The following HLF variants were observed in gnomAD, a reference collection of about 807,000 sequenced individuals.
HLF encodes HLF transcription factor, PAR bZIP family member, also known as hepatic leukemia factor.
A neutral mutation model predicts 22.6 loss-of-function variants in HLF; 3 were observed. That is an observed-to-expected ratio of 0.13 (90% confidence interval 0.06 to 0.34). The LOEUF (loss-of-function observed/expected upper bound fraction) is 0.34, where lower values mean the gene tolerates loss of function less well. Ranked by LOEUF, HLF falls within the 10% of genes least tolerant of loss-of-function variation. The probability of loss-of-function intolerance (pLI) is 1.00; values close to 1 mark genes in which losing one functional copy is unlikely to be tolerated. For synonymous variants in HLF, 151 were observed against 151.8 expected (o/e 0.99, Z 0.04); for missense variants, 299 against 389.2 (o/e 0.77, Z 1.95).
chr17:55,304,359 C>T (rs185969588), intron 2 of HLF, among the ~76,000 whole-genome samples: 14 of 152,246 alleles, frequency 9.2e-5, no homozygotes, highest in Admixed American at 1.3e-4. Flanking sequence ...GGGGCAATGG[C>T]GAGAAGGCTC....
chr17:55,322,168 TC>T lies in HLF; in HGVS notation c.*1290del, dbSNP rs1402556483. On this transcript the variant is annotated 3_prime_UTR_variant, in exon 4 of 4. Transcript: ENST00000226067. ...CGTATGTGCTCTTATAAAGTGGACT[TC>T]TGAAAAATGAATGTAAAAGACACTG... 1 of 202,234 alleles carries T rather than the reference TC, an allele frequency of 4.9e-6. No homozygotes were observed. Among genetic ancestry groups the T allele is most frequent in the Non-Finnish European group, 1.0e-5 (1 of 98,162 alleles). 12.5% of individuals were successfully genotyped at this position (202,234 alleles called of 1,614,324 possible).
intron 2 of HLF, among the ~76,000 whole-genome samples, chr17:55,306,316 A>G (rs920800665): frequency 3.3e-5 from 5 of 152,232 alleles, no homozygotes; most frequent in Admixed American, 1.3e-4. Flanking sequence ...GTAAATGGCA[A>G]CAGACTCTTT....
intron 2 of HLF, among the ~76,000 whole-genome samples, chr17:55,290,784 C>A (rs568665707): frequency 6.6e-6 from 1 of 152,216 alleles, no homozygotes; most frequent in Admixed American, 6.5e-5. Context: ...CAAGACAGGC[C>A]AAAAGCTAGG....
At chr17:55,311,753 T>A (rs1567824961) in intron 2 of HLF, among the ~76,000 whole-genome samples, 2 of 152,154 alleles carry the variant, frequency 1.3e-5, no homozygotes. Context: ...AGATTTGGCC[T>A]TTGATTGAAC....
At chr17:55,300,191 C>T (rs923995081) in intron 2 of HLF, among the ~76,000 whole-genome samples, 9 of 152,254 alleles carry the variant, frequency 5.9e-5, no homozygotes, top group East Asian at 1.9e-4. Flanking sequence ...GCACAGTGAC[C>T]GCTCTTGAGG....
chr17:55,297,901 C>G (rs1567820188), intron 2 of HLF, among the ~76,000 whole-genome samples: 2 of 151,922 alleles, frequency 1.3e-5, no homozygotes, highest in African/African-American at 2.4e-5. Flanking sequence ...AGGTGCCCAC[C>G]ACCATGCCCA....
intron 2 of HLF, among the ~76,000 whole-genome samples, chr17:55,291,833 T>C (rs1472853867): frequency 6.6e-6 from 1 of 152,226 alleles, no homozygotes; most frequent in African/African-American, 2.4e-5. Flanking sequence ...GGAAGGGACA[T>C]TAATTAACTC....
At chr17:55,267,684 A>ATTT (rs2080806535) in intron 1 of HLF, 67 bp from the exon 2 acceptor site, 1 of 1,141,240 alleles carries the variant, frequency 8.8e-7, no homozygotes, top group East Asian at 2.4e-5. Context: ...AGGAAAAGTG[A>ATTT]TAAAAGAGCG....
intron 2 of HLF, among the ~76,000 whole-genome samples, chr17:55,278,059 C>T (rs1049287542): frequency 6.6e-6 from 1 of 152,172 alleles, no homozygotes; most frequent in Non-Finnish European, 1.5e-5. Flanking sequence ...GTAAAAGTTT[C>T]GTTTTTAGAA....
chr17:55,313,950 G>A (rs551264499), intron 2 of HLF, among the ~76,000 whole-genome samples: 6 of 152,280 alleles, frequency 3.9e-5, no homozygotes, highest in East Asian at 3.9e-4. Context: ...GCTAGAATCC[G>A]AGCCAGTGGC....
At chr17:55,277,957 T>C (rs573983386) in intron 2 of HLF, among the ~76,000 whole-genome samples, 3 of 151,764 alleles carry the variant, frequency 2.0e-5, no homozygotes, top group East Asian at 3.9e-4. Flanking sequence ...TTTCTGACTT[T>C]TACAAACTAA....
At chr17:55,302,992 A>G (rs577461282) in intron 2 of HLF, among the ~76,000 whole-genome samples, 1 of 152,348 alleles carries the variant, frequency 6.6e-6, no homozygotes, top group Non-Finnish European at 1.5e-5. Context: ...GGAGGGCAGA[A>G]TGAGGCTATA....
chr17:55,305,743 GC>G (rs1348617977), intron 2 of HLF, among the ~76,000 whole-genome samples: 2 of 152,210 alleles, frequency 1.3e-5, no homozygotes, highest in Non-Finnish European at 2.9e-5. Flanking sequence ...CAAGGCTCCA[GC>G]CCAGGTCCTG....
At chr17:55,276,921 C>T (rs1034359630) in intron 2 of HLF, among the ~76,000 whole-genome samples, 1 of 152,178 alleles carries the variant, frequency 6.6e-6, no homozygotes, top group East Asian at 1.9e-4. Flanking sequence ...AAAATAAATA[C>T]TCTCCCTTGA....
chr17:55,286,965 C>T (rs1457495092), intron 2 of HLF, among the ~76,000 whole-genome samples: 1 of 152,154 alleles, frequency 6.6e-6, no homozygotes. Context: ...GCTTACTCTG[C>T]AGAAGGGAGG....
chr17:55,271,397 G>A (rs1451322849), intron 2 of HLF: 2 of 152,214 alleles, frequency 1.3e-5, no homozygotes, highest in Non-Finnish European at 2.9e-5. Context: ...CCGTTGTGGT[G>A]TTAGTGCTTC....
At chr17:55,286,923 C>T (rs2081009229) in intron 2 of HLF, among the ~76,000 whole-genome samples, 1 of 152,176 alleles carries the variant, frequency 6.6e-6, no homozygotes, top group Admixed American at 6.5e-5. Context: ...GACTGGGATA[C>T]AGCCTCCTGC....
At position 55,324,152 on chromosome 17, in the gene HLF, C is replaced by T. The variant is rs1050487577; in HGVS notation, c.*3273C>T. ...GTGATAGGCCTTTTGTCTTCAAATA[C>T]AACAGGCCTCCACTGACCCATCCCT... On this transcript the variant is annotated 3_prime_UTR_variant, in exon 4 of 4. Coordinates refer to ENST00000226067, the MANE Select transcript of HLF (RefSeq NM_002126.5). 5 of 225,238 alleles carry T rather than the reference C, an allele frequency of 2.2e-5. No homozygotes were observed. The East Asian group carries it at 2.5e-4, about 11-fold the overall frequency. The allele number at this position is 225,238 out of a possible 1,614,324, so 14.0% of individuals were successfully genotyped here.
chr17:55,321,032 C>T lies in HLF; in HGVS notation c.*153C>T, dbSNP rs947877825. 14 of 623,674 alleles carry T rather than the reference C, an allele frequency of 2.2e-5. No individual in the cohort carries two copies. Among genetic ancestry groups the T allele is most frequent in the Non-Finnish European group, 3.2e-5 (11 of 347,640 alleles). 38.6% of individuals were successfully genotyped at this position (623,674 alleles called of 1,614,324 possible). On this transcript the variant is annotated 3_prime_UTR_variant, in exon 4 of 4. Coordinates refer to ENST00000226067, the MANE Select transcript of HLF (RefSeq NM_002126.5). Reference sequence around the variant, plus strand: ...TTTGGTGTGCATCTGTGTGTGTGTGCGTGTATATGTGCTTGTGCTCATGTG... The same window carrying T: ...TTTGGTGTGCATCTGTGTGTGTGTGTGTGTATATGTGCTTGTGCTCATGTG...
Sources: allele counts gnomAD v4.1 joint callset (sites outside exome capture counted in the v4.1 genomes callset), GRCh38; gene constraint gnomAD v4.1.1; transcripts MANE v1.5; gene names NCBI Gene and HGNC (gene_info 2026-07-23, HGNC 2026-07-21).